The following GLI3 variants were observed in gnomAD, a reference collection of about 807,000 sequenced individuals.
GLI3 encodes the protein transcription activator GLI3.
In GLI3, 20 loss-of-function variants were observed where a neutral mutation model predicts 100.8. That is an observed-to-expected ratio of 0.20 (90% CI 0.14 to 0.29). The LOEUF (loss-of-function observed/expected upper bound fraction) is 0.29, where lower values mean the gene tolerates loss of function less well. GLI3 is among the 10% of genes least tolerant of loss of function. GLI3 has a pLI of 1.00. For missense variants in GLI3, 2,040 were observed against 2,128.5 expected, an observed-to-expected ratio of 0.96 and a Z score of 0.82; for synonymous variants, 938 against 860.5, an observed-to-expected ratio of 1.09 and a Z score of -1.58.
chr7:42,003,733 T>C (rs556558609), intron 10 of GLI3, among the ~76,000 whole-genome samples: 40 of 150,268 alleles, frequency 2.7e-4, no homozygotes, highest in South Asian at 1.5e-3. Context: ...CAAACAGCTT[T>C]ACCAGAATGT....
intron 3 of GLI3, among the ~76,000 whole-genome samples, chr7:42,110,340 T>C (rs1056440315): frequency 2.0e-5 from 3 of 152,234 alleles, no homozygotes; most frequent in African/African-American, 7.2e-5. Flanking sequence ...TCTCCATTCA[T>C]TCATATTTTC....
At chr7:42,208,652 A>C (rs1788204023) in intron 2 of GLI3, among the ~76,000 whole-genome samples, 1 of 152,238 alleles carries the variant, frequency 6.6e-6, no homozygotes, top group African/African-American at 2.4e-5. Context: ...CTAAATTAGC[A>C]TCAAAGAAAT....
intron 4 of GLI3, among the ~76,000 whole-genome samples, chr7:42,057,201 T>A (rs560371356): frequency 3.3e-4 from 50 of 152,354 alleles, no homozygotes; most frequent in African/African-American, 1.2e-3. Flanking sequence ...TTATACTTTA[T>A]TTCTTAGTAT....
intron 2 of GLI3, among the ~76,000 whole-genome samples, chr7:42,194,597 A>C (rs1787889589): frequency 6.6e-6 from 1 of 151,702 alleles, no homozygotes; most frequent in South Asian, 2.1e-4. Flanking sequence ...AATCTGCTCT[A>C]CTCCCGTCTG....
intron 2 of GLI3, among the ~76,000 whole-genome samples, chr7:42,173,230 G>A (rs1186061589): frequency 6.6e-6 from 1 of 152,152 alleles, no homozygotes; most frequent in Non-Finnish European, 1.5e-5. Flanking sequence ...GACACGGCGG[G>A]CAAAAAATAT....
At chr7:42,172,385 T>C in intron 2 of GLI3, 1 of 609,552 alleles carries the variant, frequency 1.6e-6, no homozygotes, top group East Asian at 2.8e-5. Context: ...GCCTCTGTGG[T>C]AGAGGAGAAT....
chr7:42,177,173 G>C (rs776632954), intron 2 of GLI3, among the ~76,000 whole-genome samples: 1 of 152,150 alleles, frequency 6.6e-6, no homozygotes, highest in Non-Finnish European at 1.5e-5. Context: ...GGGTGGGTGA[G>C]AGTGATAGAA....
chr7:42,155,671 C>T (rs751748999), intron 2 of GLI3, among the ~76,000 whole-genome samples: 3 of 152,054 alleles, frequency 2.0e-5, no homozygotes, highest in Non-Finnish European at 4.4e-5. Context: ...TACAGAGCTC[C>T]ATTCAACTTC....
chr7:42,236,409 G>C (rs1247975190), intron 1 of GLI3, among the ~76,000 whole-genome samples: 1 of 152,184 alleles, frequency 6.6e-6, no homozygotes, highest in Admixed American at 6.5e-5. Context: ...CTATGACGAC[G>C]AAGGCGCGCC....
At chr7:42,245,926 A>T (rs1172641919) in intron 1 of GLI3, among the ~76,000 whole-genome samples, 1 of 151,690 alleles carries the variant, frequency 6.6e-6, no homozygotes, top group Non-Finnish European at 1.5e-5. Context: ...AAAGGAAACC[A>T]TGAGGGGAGA....
intron 4 of GLI3, among the ~76,000 whole-genome samples, chr7:42,058,569 A>G (rs1323513646): frequency 1.3e-5 from 2 of 152,236 alleles, no homozygotes; most frequent in Non-Finnish European, 2.9e-5. Flanking sequence ...CTACTGCTAT[A>G]AAACAAAAAT....
chr7:42,046,923 A>AG (rs1232578173), intron 5 of GLI3, among the ~76,000 whole-genome samples: 5 of 152,194 alleles, frequency 3.3e-5, no homozygotes, highest in Non-Finnish European at 7.4e-5. Context: ...TGGGAGGTAG[A>AG]GGTGGGTAGA....
intron 12 of GLI3, among the ~76,000 whole-genome samples, chr7:41,976,902 A>AG (rs905357410): frequency 1.3e-5 from 2 of 152,220 alleles, no homozygotes; most frequent in Admixed American, 6.5e-5. Context: ...TCTACAATTT[A>AG]GGGGGGATCG....
intron 10 of GLI3, among the ~76,000 whole-genome samples, chr7:42,020,747 G>A (rs182682880): frequency 2.0e-5 from 3 of 152,132 alleles, no homozygotes; most frequent in African/African-American, 7.2e-5. Flanking sequence ...AAAATTAGCC[G>A]GGCGTGGTAG....
intron 6 of GLI3, among the ~76,000 whole-genome samples, chr7:42,043,831 ATTCT>A (rs1461200290): frequency 6.6e-6 from 1 of 152,216 alleles, no homozygotes. Context: ...TCTTATTTTA[ATTCT>A]TTATTTGCAG....
chr7:42,165,090 C>T (rs941030758), intron 2 of GLI3, among the ~76,000 whole-genome samples: 6 of 150,006 alleles, frequency 4.0e-5, no homozygotes, highest in Non-Finnish European at 8.9e-5. Flanking sequence ...GCCTGGCCAA[C>T]ATGGTGAAAC....
At chr7:42,016,091 C>T (rs991773135) in intron 10 of GLI3, among the ~76,000 whole-genome samples, 2 of 152,044 alleles carry the variant, frequency 1.3e-5, no homozygotes, top group Non-Finnish European at 2.9e-5. Flanking sequence ...TGGGATGCTG[C>T]TTAACACCCT....
chr7:42,190,732 A>T (rs528457587), intron 2 of GLI3, among the ~76,000 whole-genome samples: 3 of 152,204 alleles, frequency 2.0e-5, no homozygotes, highest in Admixed American at 6.5e-5. Context: ...GACAAAAAAG[A>T]AAAACTAAAA....
chr7:42,050,746 C>A lies in GLI3; in HGVS notation c.474-2050G>T, dbSNP rs533281235. On this transcript the variant is annotated intron_variant, in intron 4 of 14. Transcript: ENST00000395925. ...GGTCTGAGCAACATGAACTAAACAT[C>A]AGGGTGGGCAGTGACATTTCTTACT... 2.6e-5 allele frequency among the ~76,000 whole-genome samples: 4 copies of A among 152,336 alleles called. No homozygotes were observed. The South Asian group carries it at 8.3e-4, about 32-fold the overall frequency.
Sources: allele counts gnomAD v4.1 joint callset (sites outside exome capture counted in the v4.1 genomes callset), GRCh38; gene constraint gnomAD v4.1.1; transcripts MANE v1.5; gene names NCBI Gene and HGNC (gene_info 2026-07-23, HGNC 2026-07-21).